Variants in TNRC18 observed in about 807,000 individuals in gnomAD.
TNRC18 encodes trinucleotide repeat-containing gene 18 protein.
In TNRC18, 69 loss-of-function variants were observed where a neutral mutation model predicts 226.7. That is an observed-to-expected ratio of 0.30 (90% CI 0.25 to 0.37). The LOEUF (loss-of-function observed/expected upper bound fraction) is 0.37. Among genes scored for constraint, TNRC18 ranks in the 10% least tolerant of loss-of-function variants. The pLI, the probability that TNRC18 is intolerant of heterozygous loss-of-function variation, is 1.00. For missense variants in TNRC18, 4,754 were observed against 4,256.6 expected (o/e 1.12, Z -3.25); for synonymous variants, 2,449 against 1,927.6 (o/e 1.27, Z -7.09).
rs559482494 is a variant in TNRC18 at position 5,357,254 on chromosome 7, ATCT to A, written c.4853_4855del (p.Lys1618del). On this transcript the variant is annotated inframe_deletion, in exon 16 of 30. Coordinates refer to ENST00000430969, the MANE Select transcript of TNRC18 (RefSeq NM_001080495.3). The stretch of plus-strand genomic sequence containing the variant: ...TGCCAACTGCTCCTGGTCGCTGGCC[ATCT>A]TCTTCTTCTTAATCTTTAGCTGGAG... The A allele has an allele frequency of 2.3e-4, 363 of 1,611,478 alleles. 3 individuals carry two copies. The highest frequency in any genetic ancestry group is 4.5e-4 in the Admixed American group (27 of 59,602).
chr7:5,323,724 C>T (rs1384249131), intron 21 of TNRC18, among the ~76,000 whole-genome samples: 2 of 152,044 alleles, frequency 1.3e-5, no homozygotes, highest in Admixed American at 1.3e-4. Context: ...CCCGCCACCA[C>T]ACCCAGCTAA....
At chr7:5,367,759 A>G (rs1262674095) in intron 11 of TNRC18, among the ~76,000 whole-genome samples, 1 of 147,542 alleles carries the variant, frequency 6.8e-6, no homozygotes, top group Non-Finnish European at 1.5e-5. Flanking sequence ...CTTCTACCCA[A>G]AAAAAAAAAA....
At chr7:5,375,125 C>T (rs1035195199) in intron 9 of TNRC18, among the ~76,000 whole-genome samples, 19 of 151,144 alleles carry the variant, frequency 1.3e-4, no homozygotes, top group East Asian at 1.9e-4. Context: ...GCCAACATGG[C>T]GAAACCCCAT....
intron 22 of TNRC18, 68 bp from the exon 23 acceptor site, chr7:5,320,675 G>C: frequency 7.5e-7 from 1 of 1,340,594 alleles, no homozygotes; most frequent in Non-Finnish European, 1.1e-6. Context: ...AATCCCACCA[G>C]CACAGCACTG....
intron 11 of TNRC18, among the ~76,000 whole-genome samples, chr7:5,365,734 G>A (rs1042281315): frequency 2.4e-4 from 37 of 152,136 alleles, no homozygotes; most frequent in African/African-American, 7.5e-4. Context: ...GATTGCAGAC[G>A]TGAGCCACCA....
intron 16 of TNRC18, among the ~76,000 whole-genome samples, chr7:5,353,019 T>G (rs940983357): frequency 1.3e-5 from 2 of 151,990 alleles, no homozygotes; most frequent in East Asian, 3.9e-4. Flanking sequence ...TTCCTCTGAC[T>G]GCTCCCACCA....
chr7:5,319,663 C>T (rs1229187915), intron 24 of TNRC18, among the ~76,000 whole-genome samples: 1 of 152,168 alleles, frequency 6.6e-6, no homozygotes, highest in Non-Finnish European at 1.5e-5. Context: ...CACCTGCCAC[C>T]ACGCCCGGCT....
rs1226284510 is a variant in TNRC18, at chr7:5,359,517, T to A, written c.4714A>T (p.Ile1572Leu). 2 of 1,614,004 alleles carry A rather than the reference T, an allele frequency of 1.2e-6. No homozygotes were observed. Among genetic ancestry groups the A allele is most frequent in the South Asian group, 2.2e-5 (2 of 91,082 alleles). ...TCAGACCCCTTGTGTCTCTTTCTTA[T>A]CCCTGCTCCCAGCTCATAATCATCT... ...TSDDYELGAG[I>L]RKRHKGSEEE... Residue 1572 changes from isoleucine to leucine, a missense_variant, in exon 15 of 30, where the codon ATA becomes TTA. Ile to Leu is a conservative substitution (Grantham distance 5). Transcript: ENST00000430969.
chr7:5,390,405 G>A (rs755560424), intron 4 of TNRC18, 80 bp downstream of exon 4: 3 of 1,453,210 alleles, frequency 2.1e-6, no homozygotes, highest in Non-Finnish European at 1.9e-6. Context: ...AGAGCTGGGG[G>A]CTACCTGGAT....
intron 5 of TNRC18, among the ~76,000 whole-genome samples, chr7:5,378,367 G>A (rs890499277): frequency 2.0e-5 from 3 of 152,044 alleles, no homozygotes; most frequent in Non-Finnish European, 2.9e-5. Flanking sequence ...ACAATGAAAC[G>A]TGAGGCCGGG....
At chr7:5,322,647 G>T (rs1346413996) in intron 21 of TNRC18, among the ~76,000 whole-genome samples, 1 of 152,200 alleles carries the variant, frequency 6.6e-6, no homozygotes, top group African/African-American at 2.4e-5. Flanking sequence ...ATGCCCGGGG[G>T]CAAACTTGCC....
chr7:5,351,715 C>CG, intron 17 of TNRC18, 104 bp downstream of exon 17: 8 of 1,345,276 alleles, frequency 5.9e-6, no homozygotes, highest in Non-Finnish European at 8.0e-6. Context: ...CGGGCCTCCT[C>CG]ACCCACCATC....
intron 18 of TNRC18, among the ~76,000 whole-genome samples, chr7:5,337,240 A>G (rs894573650): frequency 6.6e-6 from 1 of 152,144 alleles, no homozygotes; most frequent in Non-Finnish European, 1.5e-5. Flanking sequence ...CTCAAAGAAA[A>G]AAAAAAAACT....
intron 21 of TNRC18, among the ~76,000 whole-genome samples, chr7:5,322,725 TG>T (rs1788504532): frequency 6.6e-6 from 1 of 152,226 alleles, no homozygotes; most frequent in Non-Finnish European, 1.5e-5. Flanking sequence ...CCAAGACACT[TG>T]GGCCTGCCCT....
chr7:5,395,744 C>G (rs1428567077), intron 2 of TNRC18, among the ~76,000 whole-genome samples: 1 of 152,244 alleles, frequency 6.6e-6, no homozygotes, highest in African/African-American at 2.4e-5. Context: ...ATAATCCCAG[C>G]ACTCTGGGAG....
At chr7:5,352,234 A>G in intron 16 of TNRC18, 140 bp from the exon 17 acceptor site, 2 of 883,594 alleles carry the variant, frequency 2.3e-6, no homozygotes, top group Non-Finnish European at 1.7e-6. Context: ...GCGGCCGTAC[A>G]AAGGCCTTGC....
chr7:5,335,301 C>CAAAAAAA lies in TNRC18; in HGVS notation c.5720-2259_5720-2253dup, dbSNP rs1167746227. 2.0e-3 allele frequency among the ~76,000 whole-genome samples: 116 copies of CAAAAAAA among 58,498 alleles called. 7 individuals carry two copies. Among genetic ancestry groups the CAAAAAAA allele is most frequent in the South Asian group, 3.8e-3 (5 of 1,312 alleles). The allele number at this position is 58,498 out of a possible 152,430, so 38.4% of individuals were successfully genotyped here. On this transcript the variant is annotated intron_variant, in intron 18 of 29. Transcript: ENST00000430969. ...TGGGCCACAGAGTGAGAATCTGTCT[C>CAAAAAAA]AAAAAAAAAAAAAAAAAAAAAAATT... is the stretch of plus-strand genomic sequence containing the variant.
intron 1 of TNRC18, among the ~76,000 whole-genome samples, chr7:5,421,817 C>T (rs1782603997): frequency 1.3e-5 from 2 of 152,248 alleles, no homozygotes; most frequent in Non-Finnish European, 2.9e-5. Flanking sequence ...GCCCAGACGG[C>T]GTAAATACAA....
chr7:5,404,999 T>A (rs1024125199), intron 2 of TNRC18, among the ~76,000 whole-genome samples: 1 of 151,836 alleles, frequency 6.6e-6, no homozygotes, highest in African/African-American at 2.4e-5. Flanking sequence ...GCGCCTGTAG[T>A]CCCAGCTATT....
Sources: allele counts gnomAD v4.1 joint callset (sites outside exome capture counted in the v4.1 genomes callset), GRCh38; gene constraint gnomAD v4.1.1; transcripts MANE v1.5; gene names NCBI Gene and HGNC (gene_info 2026-07-23, HGNC 2026-07-21).